Variants in RELL1 observed in about 807,000 individuals in gnomAD.
The protein encoded by RELL1 is RELT like 1, also known as RELT-like protein 1.
Under a neutral mutation model 23.0 loss-of-function variants are expected in RELL1, and 10 were observed. That is an observed-to-expected ratio of 0.43 (90% CI 0.27 to 0.74). The LOEUF is 0.74. Among genes scored for constraint, RELL1 ranks in the 30% least tolerant of loss-of-function variants. RELL1 has a pLI of 0.19. For synonymous variants in RELL1, 146 were observed against 146.8 expected (o/e 0.99, Z 0.04); for missense variants, 315 against 364.4 (o/e 0.86, Z 1.10).
At position 37,656,116 on chromosome 4, in the gene RELL1, G is replaced by A. The variant is rs146365578; in HGVS notation, c.89-6616C>T. ...TGTGGAAGCCACCAAAATTCCCATC[G>A]ATAGACAAAGGGATAAAGAAATCGT... On this transcript the variant is annotated intron_variant, in intron 1 of 6. Transcript: ENST00000454158. Among the ~76,000 whole-genome samples the A allele has an allele frequency of 2.9e-3, 441 of 152,258 alleles. 1 individual carries two copies. Among genetic ancestry groups the A allele is most frequent in the African/African-American group, 0.01 (420 of 41,530 alleles).
downstream of RELL1, chr4:37,590,246 C>CTGAG (rs1164284687): frequency 1.9e-5 from 31 of 1,614,094 alleles, no homozygotes; most frequent in Non-Finnish European, 2.5e-5. Flanking sequence ...TCAAAGAAGA[C>CTGAG]TGAGAGCAGC....
At chr4:37,656,890 T>C (rs1302161215) in intron 1 of RELL1, among the ~76,000 whole-genome samples, 1 of 152,214 alleles carries the variant, frequency 6.6e-6, no homozygotes, top group African/African-American at 2.4e-5. Context: ...CCTCCAGAAC[T>C]GTGAGCAAAA....
intron 6 of RELL1, among the ~76,000 whole-genome samples, chr4:37,629,529 T>A (rs1475430026): frequency 6.6e-6 from 1 of 152,182 alleles, no homozygotes; most frequent in African/African-American, 2.4e-5. Flanking sequence ...CTTCTTAAAT[T>A]CCTCTTGACT....
intron 1 of RELL1, among the ~76,000 whole-genome samples, chr4:37,668,515 G>T (rs1721626264): frequency 3.3e-5 from 5 of 151,808 alleles, no homozygotes; most frequent in Admixed American, 3.3e-4. Context: ...CCTTCACTCA[G>T]TGCTCAATGG....
chr4:37,656,021 T>C (rs1314514843), intron 1 of RELL1, among the ~76,000 whole-genome samples: 2 of 152,174 alleles, frequency 1.3e-5, no homozygotes. Flanking sequence ...AAAAAAAGAA[T>C]TGAAATCAGG....
At chr4:37,590,073 T>C (rs751098148), downstream of RELL1, 16 of 1,594,766 alleles carry the variant, frequency 1.0e-5, no homozygotes, top group African/African-American at 8.1e-5. Flanking sequence ...CTGGTTTTCA[T>C]TGTCTTTCCT....
At chr4:37,669,073 C>CCTGGCCAGCCGCCCCGT (rs1721667446) in intron 1 of RELL1, among the ~76,000 whole-genome samples, 2 of 130,284 alleles carry the variant, frequency 1.5e-5, no homozygotes, top group Admixed American at 1.4e-4. Context: ...CAGCCCCCCG[C>CCTGGCCAGCCGCCCCGT]CTGGCCAGCC....
chr4:37,659,497 T>C (rs1489008318), intron 1 of RELL1, among the ~76,000 whole-genome samples: 1 of 152,160 alleles, frequency 6.6e-6, no homozygotes, highest in Non-Finnish European at 1.5e-5. Context: ...CCAGTGGGCA[T>C]GGCTTGAGGG....
At chr4:37,618,199 C>G (rs1196516990) in intron 6 of RELL1, among the ~76,000 whole-genome samples, 1 of 151,902 alleles carries the variant, frequency 6.6e-6, no homozygotes, top group Non-Finnish European at 1.5e-5. Context: ...ACATATAACT[C>G]TACATCAATC....
At chr4:37,627,034 G>A (rs376859132) in intron 6 of RELL1, among the ~76,000 whole-genome samples, 5 of 152,048 alleles carry the variant, frequency 3.3e-5, no homozygotes, top group South Asian at 2.1e-4. Context: ...TTCTCACCAC[G>A]CAAAAAAATT....
At chr4:37,642,876 G>A (rs888838475) in intron 3 of RELL1, among the ~76,000 whole-genome samples, 5 of 152,234 alleles carry the variant, frequency 3.3e-5, no homozygotes, top group Admixed American at 1.3e-4. Context: ...CTGAACAGGT[G>A]CAGGTGCCGG....
chr4:37,621,656 A>G (rs1260572744), intron 6 of RELL1, among the ~76,000 whole-genome samples: 1 of 152,122 alleles, frequency 6.6e-6, no homozygotes, highest in Non-Finnish European at 1.5e-5. Context: ...CAATTTCTGC[A>G]GTGAAAAGAG....
downstream of RELL1, among the ~76,000 whole-genome samples, chr4:37,605,793 G>GAAAGAA (rs1553871642): frequency 6.6e-5 from 6 of 90,304 alleles, no homozygotes; most frequent in East Asian, 5.4e-4. Context: ...GAGAAAGAAA[G>GAAAGAA]AGAAAGAAAG....
intron 3 of RELL1, among the ~76,000 whole-genome samples, chr4:37,639,887 G>A (rs1370903829): frequency 6.6e-6 from 1 of 152,216 alleles, no homozygotes; most frequent in Non-Finnish European, 1.5e-5. Context: ...GCTGCTGTAA[G>A]TTTTAACAGT....
chr4:37,610,463 G>A (rs1719339069), downstream of RELL1, among the ~76,000 whole-genome samples: 1 of 152,050 alleles, frequency 6.6e-6, no homozygotes, highest in South Asian at 2.1e-4. This position sits in a 1 kb window ranked among gnomAD's most constrained non-coding sequence, Gnocchi z 4.1. Context: ...TAGGGGAAGG[G>A]GTACTGCAGG....
intron 1 of RELL1, among the ~76,000 whole-genome samples, chr4:37,671,726 C>T (rs759368318): frequency 6.6e-6 from 1 of 152,088 alleles, no homozygotes; most frequent in Non-Finnish European, 1.5e-5. Flanking sequence ...GCCCCGAGGG[C>T]TGCTGTGGAA....
At chr4:37,668,813 G>C (rs183143702) in intron 1 of RELL1, among the ~76,000 whole-genome samples, 79 of 141,438 alleles carry the variant, frequency 5.6e-4, no homozygotes, top group Middle Eastern at 3.8e-3. Flanking sequence ...GAAGTGAGGA[G>C]CGTCTCTCCC....
intron 1 of RELL1, among the ~76,000 whole-genome samples, chr4:37,663,301 G>A (rs1041324562): frequency 1.3e-5 from 2 of 152,226 alleles, no homozygotes; most frequent in African/African-American, 2.4e-5. Context: ...AAGGGGCTGG[G>A]TGGCTGCACA....
intron 2 of RELL1, 119 bp downstream of exon 2, chr4:37,649,157 T>C: frequency 1.2e-6 from 1 of 837,142 alleles, no homozygotes; most frequent in Non-Finnish European, 2.0e-6. Flanking sequence ...TACACTACAC[T>C]GCACCACCTG....
Sources: gnomAD v4.1 joint callset for allele counts (sites outside exome capture counted in the v4.1 genomes callset) on GRCh38, gnomAD v4.1.1 for gene constraint, Gnocchi (gnomAD v3.1) non-coding constraint, MANE v1.5 for transcripts, NCBI Gene and HGNC (gene_info 2026-07-23, HGNC 2026-07-21) for gene names.